The following AFDN variants were observed in gnomAD, a reference collection of about 807,000 sequenced individuals.
AFDN encodes the protein afadin, adherens junction formation factor, also known as afadin.
Under a neutral mutation model 216.6 loss-of-function variants are expected in AFDN, and 68 were observed. The observed-to-expected ratio is 0.31, with a 90% CI of 0.26 to 0.38. The LOEUF is 0.38. AFDN is among the 10% of genes least tolerant of loss of function. The pLI is 1.00. For synonymous variants in AFDN, 868 were observed against 853.7 expected (o/e 1.02, Z -0.29); for missense variants, 2,136 against 2,342.0 (o/e 0.91, Z 1.82).
chr6:167,832,864 G>A (rs1477273139), intron 1 of AFDN, among the ~76,000 whole-genome samples: 1 of 152,162 alleles, frequency 6.6e-6, no homozygotes, highest in Non-Finnish European at 1.5e-5. Flanking sequence ...TGTGTTTTTA[G>A]GCTGAATATA....
At chr6:167,947,794 TTA>T in intron 27 of AFDN, 57 bp from the exon 28 acceptor site, 2 of 1,108,840 alleles carry the variant, frequency 1.8e-6, no homozygotes, top group Non-Finnish European at 2.7e-6. Flanking sequence ...AAATTTCATG[TTA>T]TATATAGGTT....
At chr6:167,839,669 C>T (rs1780834416) in intron 1 of AFDN, among the ~76,000 whole-genome samples, 1 of 152,172 alleles carries the variant, frequency 6.6e-6, no homozygotes, top group East Asian at 1.9e-4. Context: ...CTTTCTGTCT[C>T]CATTTCCACG....
At chr6:167,838,820 C>T (rs1219594520) in intron 1 of AFDN, among the ~76,000 whole-genome samples, 1 of 152,160 alleles carries the variant, frequency 6.6e-6, no homozygotes, top group Non-Finnish European at 1.5e-5. Flanking sequence ...TTTCATGAAT[C>T]ATGGGTGCTC....
chr6:167,923,395 A>G (rs1792069851), intron 22 of AFDN, among the ~76,000 whole-genome samples: 1 of 152,140 alleles, frequency 6.6e-6, no homozygotes, highest in South Asian at 2.1e-4. Flanking sequence ...AAAATTTCCC[A>G]GTTTCATACA....
At chr6:167,956,629 C>T (rs1415509151) in intron 30 of AFDN, among the ~76,000 whole-genome samples, 1 of 152,208 alleles carries the variant, frequency 6.6e-6, no homozygotes, top group Non-Finnish European at 1.5e-5. Flanking sequence ...ATGCAGCATG[C>T]TCAAAGTGAA....
chr6:167,865,051 A>G (rs1407383225), intron 2 of AFDN, among the ~76,000 whole-genome samples: 1 of 152,202 alleles, frequency 6.6e-6, no homozygotes, highest in African/African-American at 2.4e-5. Flanking sequence ...TACATTGTGT[A>G]GTATGCTACC....
chr6:167,925,432 G>T (rs1359608196), intron 23 of AFDN, among the ~76,000 whole-genome samples: 2 of 152,134 alleles, frequency 1.3e-5, no homozygotes, highest in Non-Finnish European at 2.9e-5. Context: ...CTGCATCGTG[G>T]GAGTGGGGCA....
chr6:167,964,821 G>GGC, intron 31 of AFDN: 6 of 1,066,120 alleles, frequency 5.6e-6, no homozygotes, highest in Non-Finnish European at 6.8e-6. Flanking sequence ...ATTTACTCGA[G>GGC]GCAGTTTATT....
intron 22 of AFDN, 131 bp from the exon 23 acceptor site, chr6:167,924,873 CT>C: frequency 1.3e-6 from 1 of 755,850 alleles, no homozygotes; most frequent in South Asian, 1.4e-5. Flanking sequence ...ATTTTTTTTA[CT>C]GTTTATCTTC....
intron 1 of AFDN, among the ~76,000 whole-genome samples, chr6:167,862,805 A>G (rs1286701361): frequency 6.6e-6 from 1 of 152,378 alleles, no homozygotes; most frequent in East Asian, 1.9e-4. Context: ...GAGAGACAGC[A>G]GGACTCCTAC....
Position 167,917,078 on chromosome 6 carries a change from C to G in AFDN, c.2566-11C>G. The G allele has an allele frequency of 6.2e-7, 1 of 1,610,120 alleles. No homozygotes were observed. Among genetic ancestry groups the G allele is most frequent in the South Asian group, 1.1e-5 (1 of 90,594 alleles). On this transcript the variant is annotated splice_polypyrimidine_tract_variant and intron_variant, in intron 19 of 33. Transcript: ENST00000683244. The stretch of plus-strand genomic sequence containing the variant: ...AGTGTGATATTTTATGTCCTTTATT[C>G]TTTTACATAGGCAACGACTTTGCTT...
intron 1 of AFDN, among the ~76,000 whole-genome samples, chr6:167,836,647 ATATAT>A (rs774973334): frequency 3.3e-5 from 5 of 152,156 alleles, no homozygotes; most frequent in Admixed American, 1.3e-4. Flanking sequence ...TTTGCACAAA[ATATAT>A]TGTGTTGTTA....
At position 167,874,776 on chromosome 6, in the gene AFDN, C is replaced by T. The variant is rs1156559273; in HGVS notation, c.579-559C>T. 4.6e-5 allele frequency among the ~76,000 whole-genome samples: 7 copies of T among 151,890 alleles called. No individual in the cohort carries two copies. In the East Asian group the frequency reaches 7.7e-4, roughly 17 times the overall value. On this transcript the variant is annotated intron_variant, in intron 4 of 33. Transcript: ENST00000683244. ...GATTACAGGCATTTGCCACCACGCTCGGCTAATTTTGTATTTTTAGTAGAG... is the reference window on the plus strand; with the variant it reads ...GATTACAGGCATTTGCCACCACGCTTGGCTAATTTTGTATTTTTAGTAGAG...
intron 29 of AFDN, among the ~76,000 whole-genome samples, chr6:167,950,339 GC>G (rs1219572758): frequency 6.6e-6 from 1 of 151,938 alleles, no homozygotes; most frequent in Non-Finnish European, 1.5e-5. Flanking sequence ...TTTCATATGT[GC>G]CATTTCTCAG....
At chr6:167,872,130 T>G in intron 3 of AFDN, 84 bp from the exon 4 acceptor site, 2 of 1,263,708 alleles carry the variant, frequency 1.6e-6, no homozygotes, top group Non-Finnish European at 2.2e-6. Context: ...TTCGGCAGCA[T>G]GTGAGATGAA....
chr6:167,945,655 A>G (rs1031845606), intron 26 of AFDN, among the ~76,000 whole-genome samples: 2 of 152,210 alleles, frequency 1.3e-5, no homozygotes, highest in African/African-American at 2.4e-5. Flanking sequence ...CTCCGTTTTA[A>G]TCTTAGGAGA....
chr6:167,919,218 G>A (rs1791487644), intron 21 of AFDN, among the ~76,000 whole-genome samples: 1 of 152,230 alleles, frequency 6.6e-6, no homozygotes, highest in Non-Finnish European at 1.5e-5. Flanking sequence ...ACAAGGAACC[G>A]TTTATTGTTC....
intron 26 of AFDN, among the ~76,000 whole-genome samples, chr6:167,946,319 C>T (rs1232564577): frequency 6.6e-6 from 1 of 152,158 alleles, no homozygotes; most frequent in Non-Finnish European, 1.5e-5. Context: ...GGAAGGCTCA[C>T]GTCACATGAC....
intron 25 of AFDN, 76 bp from the exon 26 acceptor site, chr6:167,943,865 C>A: frequency 1.6e-6 from 2 of 1,227,070 alleles, no homozygotes; most frequent in Non-Finnish European, 2.4e-6. Context: ...TTTTCCATTG[C>A]TATAATCACA....
Sources: allele counts gnomAD v4.1 joint callset (sites outside exome capture counted in the v4.1 genomes callset), GRCh38; gene constraint gnomAD v4.1.1; transcripts MANE v1.5; gene names NCBI Gene and HGNC (gene_info 2026-07-23, HGNC 2026-07-21).